Variants in PCDHGA5 observed in about 807,000 individuals in gnomAD.
PCDHGA5 encodes the protein protocadherin gamma subfamily A, 5.
Under a neutral mutation model 56.7 loss-of-function variants are expected in PCDHGA5, and 36 were observed. The ratio of observed to expected loss-of-function variants is 0.64; its 90% CI spans 0.49 to 0.84. PCDHGA5 has a LOEUF of 0.84. PCDHGA5 is among the 40% of genes least tolerant of loss of function. The pLI is 0.00. For synonymous variants in PCDHGA5, 563 were observed against 520.2 expected, an observed-to-expected ratio of 1.08 and a Z score of -1.12; for missense variants, 1,305 against 1,201.5, an observed-to-expected ratio of 1.09 and a Z score of -1.27.
chr5:141,455,047 C>T (rs2098811276), intron 1 of PCDHGA5, among the ~76,000 whole-genome samples: 1 of 150,004 alleles, frequency 6.7e-6, no homozygotes, highest in African/African-American at 2.5e-5. Context: ...CTCCTGACCT[C>T]GTGATCCGCC....
intron 1 of PCDHGA5, among the ~76,000 whole-genome samples, chr5:141,451,395 A>G (rs2098715118): frequency 6.6e-6 from 1 of 152,184 alleles, no homozygotes; most frequent in Admixed American, 6.6e-5. Context: ...AGTTAATGGC[A>G]AAATTAAGTT....
chr5:141,407,505 T>TTTTTTTTTTTTTTTTTTTTTTG (rs1460306566), intron 1 of PCDHGA5, among the ~76,000 whole-genome samples: 3 of 152,144 alleles, frequency 2.0e-5, no homozygotes, highest in African/African-American at 4.8e-5. Flanking sequence ...CTGTTTTTCT[T>TTTTTTTTTTTTTTTTTTTTTTG]AGGCTATGTA....
Position 141,421,724 on chromosome 5 carries a change from A to G in PCDHGA5, c.2421+54973A>G, listed in dbSNP as rs541532003. On this transcript the variant is annotated intron_variant, in intron 1 of 3. Transcript: ENST00000518069. ...GCTAGGGATCCAGATGTGGGCGTGA[A>G]CTCCCTCCAGAGCTACCAGCTCAGC... 250 of 1,613,766 alleles carry G rather than the reference A, an allele frequency of 1.5e-4. 5 individuals are homozygous for G. The South Asian group carries it at 2.6e-3, about 17-fold the overall frequency.
At chr5:141,480,221 T>C (rs2099514536) in intron 1 of PCDHGA5, among the ~76,000 whole-genome samples, 1 of 149,748 alleles carries the variant, frequency 6.7e-6, no homozygotes, top group Admixed American at 6.7e-5. Context: ...CTGAGCGACA[T>C]AGTGAGATCC....
Position 141,364,525 on chromosome 5 carries a change from C to A in PCDHGA5, c.195C>A (p.Arg65=), listed in dbSNP as rs763615712. 3 of 1,614,062 alleles carry A rather than the reference C, an allele frequency of 1.9e-6. No individual in the cohort carries two copies. In the East Asian group the frequency reaches 6.7e-5, roughly 36 times the overall value. ...EPQELAERGV[R]IVSRGRTQLF... is the part of the protein sequence containing the mutation. ...AGGAGCTGGCGGAGCGCGGAGTCCG[C>A]ATCGTCTCCAGAGGTAGGACGCAGC... is the stretch of plus-strand genomic sequence containing the variant. The change falls in exon 1 of 4, where the codon CGC becomes CGA. Residue 65 remains arginine (R), a synonymous_variant. Transcript: ENST00000518069.
chr5:141,419,735 G>T (rs1013306543), intron 1 of PCDHGA5: 1 of 1,613,806 alleles, frequency 6.2e-7, no homozygotes, highest in Non-Finnish European at 8.5e-7. Context: ...AACAGGCGAG[G>T]TGCGCATGGT....
At chr5:141,460,987 A>C (rs201722325) in intron 1 of PCDHGA5, among the ~76,000 whole-genome samples, 1 of 92,990 alleles carries the variant, frequency 1.1e-5, no homozygotes, top group South Asian at 3.4e-4. Context: ...GTGTGTGTAT[A>C]TATATATATG....
intron 2 of PCDHGA5, among the ~76,000 whole-genome samples, chr5:141,501,876 C>T (rs1463329895): frequency 6.6e-6 from 1 of 152,118 alleles, no homozygotes; most frequent in East Asian, 1.9e-4. Context: ...CGCCTCCTTA[C>T]ACTCCTGATC....
At chr5:141,433,358 C>CCTATCTATCTAT (rs3074541) in intron 1 of PCDHGA5, 6,701 of 503,954 alleles carry the variant, frequency 0.013, 75 homozygotes, top group East Asian at 0.016. Context: ...CTACTGTCTG[C>CCTATCTATCTAT]CTATCTATCT....
chr5:141,426,094 G>C (rs2096914562), intron 1 of PCDHGA5, among the ~76,000 whole-genome samples: 1 of 152,350 alleles, frequency 6.6e-6, no homozygotes, highest in African/African-American at 2.4e-5. Flanking sequence ...ACGATATTCT[G>C]TTCAGTCACA....
intron 1 of PCDHGA5, among the ~76,000 whole-genome samples, chr5:141,480,720 G>C (rs2099524423): frequency 6.6e-6 from 1 of 152,146 alleles, no homozygotes; most frequent in Non-Finnish European, 1.5e-5. Context: ...TGAAAGCACA[G>C]TCTCTGGGGG....
At chr5:141,480,738 T>C (rs2099524955) in intron 1 of PCDHGA5, among the ~76,000 whole-genome samples, 1 of 152,124 alleles carries the variant, frequency 6.6e-6, no homozygotes, top group Admixed American at 6.5e-5. Flanking sequence ...GGGTGGGACA[T>C]AGGCATCATT....
intron 1 of PCDHGA5, chr5:141,426,791 C>T (rs2096960403): frequency 2.2e-6 from 1 of 456,574 alleles, no homozygotes; most frequent in Non-Finnish European, 4.4e-6. Context: ...TCCAGAGTTA[C>T]CAGCTCAGTT....
rs1245735294 is a variant in PCDHGA5, at chr5:141,397,953, C to T, written c.2421+31202C>T. 6.2e-6 allele frequency: 6 copies of T among 961,992 alleles called. No homozygotes were observed. In the Admixed American group the frequency reaches 1.2e-4, roughly 19 times the overall value. The allele number at this position is 961,992 out of a possible 1,614,324, so 59.6% of individuals were successfully genotyped here. ...CCGCAGCGCGCTTTCCAGGGCAGCC[C>T]CAGCTCAGACTCCCCAGCGCCGGCC... On this transcript the variant is annotated intron_variant, in intron 1 of 3. Transcript: ENST00000518069.
At chr5:141,423,679 C>T in intron 1 of PCDHGA5, 2 of 1,487,594 alleles carry the variant, frequency 1.3e-6, no homozygotes, top group South Asian at 1.3e-5. Context: ...TATTTCTCTG[C>T]CTCCTAATTG....
At chr5:141,413,820 C>T in intron 1 of PCDHGA5, 1 of 1,613,204 alleles carries the variant, frequency 6.2e-7, no homozygotes, top group Non-Finnish European at 8.5e-7. Flanking sequence ...ACCACCTGGT[C>T]CTCACCGCCT....
chr5:141,381,725 G>T (rs568567698), intron 1 of PCDHGA5, among the ~76,000 whole-genome samples: 1 of 151,768 alleles, frequency 6.6e-6, no homozygotes, highest in Admixed American at 6.6e-5. Flanking sequence ...AAGACTGGGA[G>T]TGAGAATATT....
At chr5:141,416,589 TTA>T (rs1386515449) in intron 1 of PCDHGA5, 2 of 151,996 alleles carry the variant, frequency 1.3e-5, no homozygotes, top group African/African-American at 4.8e-5. Context: ...CAAAATAAAC[TTA>T]GAGTCAAGAA....
At chr5:141,488,348 C>T (rs1231687770) in intron 1 of PCDHGA5, among the ~76,000 whole-genome samples, 1 of 152,106 alleles carries the variant, frequency 6.6e-6, no homozygotes, top group Non-Finnish European at 1.5e-5. Flanking sequence ...TAGAAACAGC[C>T]ACCCTGTGCA....
Sources: gnomAD v4.1 joint callset for allele counts (sites outside exome capture counted in the v4.1 genomes callset) on GRCh38, gnomAD v4.1.1 for gene constraint, MANE v1.5 for transcripts, NCBI Gene and HGNC (gene_info 2026-07-23, HGNC 2026-07-21) for gene names.